The following KLHL32 variants were observed in gnomAD, a reference collection of about 807,000 sequenced individuals.
KLHL32 encodes the protein kelch-like protein 32.
In KLHL32, 35 loss-of-function variants were observed where a neutral mutation model predicts 64.8. That is an observed-to-expected ratio of 0.54 (90% CI 0.41 to 0.72). The LOEUF (loss-of-function observed/expected upper bound fraction) is 0.72, where lower values mean the gene tolerates loss of function less well. KLHL32 is among the 30% of genes least tolerant of loss of function. The probability of loss-of-function intolerance (pLI) is 0.00; values close to 1 mark genes in which losing one functional copy is unlikely to be tolerated. For missense variants in KLHL32, 589 were observed against 768.5 expected (o/e 0.77, Z 2.76); for synonymous variants, 259 against 281.0 (o/e 0.92, Z 0.78).
At chr6:96,962,185 G>A (rs972717304) in intron 1 of KLHL32, among the ~76,000 whole-genome samples, 5 of 152,088 alleles carry the variant, frequency 3.3e-5, no homozygotes, top group African/African-American at 1.2e-4. Flanking sequence ...ATATTTTCAG[G>A]TTTGACTTCA....
intron 1 of KLHL32, among the ~76,000 whole-genome samples, chr6:96,953,491 G>A (rs984778067): frequency 6.6e-6 from 1 of 152,104 alleles, no homozygotes; most frequent in Non-Finnish European, 1.5e-5. Context: ...TTAGCCGGGT[G>A]TGGTGGCACA....
At chr6:97,021,840 A>G (rs774148191) in intron 3 of KLHL32, among the ~76,000 whole-genome samples, 1 of 150,950 alleles carries the variant, frequency 6.6e-6, no homozygotes, top group Non-Finnish European at 1.5e-5. Flanking sequence ...TTCTCCCACA[A>G]AACTGCTTAT....
intron 4 of KLHL32, among the ~76,000 whole-genome samples, chr6:97,049,782 G>C (rs531063472): frequency 6.6e-6 from 1 of 152,232 alleles, no homozygotes; most frequent in East Asian, 1.9e-4. Flanking sequence ...TATTTGCCTT[G>C]GGGTAGATTT....
chr6:96,928,135 A>G (rs1562164037), intron 1 of KLHL32, among the ~76,000 whole-genome samples: 1 of 152,234 alleles, frequency 6.6e-6, no homozygotes, highest in Non-Finnish European at 1.5e-5. Context: ...ATGGAAATAT[A>G]AGATTCCATA....
At chr6:96,991,206 G>T (rs1387686663) in intron 3 of KLHL32, among the ~76,000 whole-genome samples, 2 of 151,918 alleles carry the variant, frequency 1.3e-5, no homozygotes, top group African/African-American at 2.4e-5. Flanking sequence ...GGTGGCAGAG[G>T]GTCTGTTGGT....
At position 97,114,339 on chromosome 6, in the gene KLHL32, C is replaced by T. The variant is rs1486912361; in HGVS notation, c.1184C>T (p.Ala395Val). The T allele has an allele frequency of 3.7e-6, 6 of 1,614,136 alleles. No individual in the cohort carries two copies. The highest frequency in any genetic ancestry group is 5.1e-6 in the Non-Finnish European group (6 of 1,180,030). ...TGCCGGGAGCATTTTGTGCTGGGTG[C>T]CATGGAGGAATACCTCTATGCAGTT... ...KNCREHFVLG[A>V]MEEYLYAVGG... Residue 395 changes from alanine to valine, a missense_variant, in exon 7 of 11, where the codon GCC becomes GTC. Coordinates refer to ENST00000369261, the MANE Select transcript of KLHL32 (RefSeq NM_052904.4).
rs547520299 is a variant in KLHL32 at position 97,057,827 on chromosome 6, T to A, written c.313-6801T>A. Among the ~76,000 whole-genome samples the A allele has an allele frequency of 4.7e-4, 71 of 152,302 alleles. 1 individual carries two copies. Among genetic ancestry groups the A allele is most frequent in the African/African-American group, 1.6e-3 (67 of 41,572 alleles). ...AAAGAGTCATTGTCATACCCAAAGT[T>A]ATCTAGATCTTCTCCTATGTTACCT... is the stretch of plus-strand genomic sequence containing the variant. On this transcript the variant is annotated intron_variant, in intron 4 of 10. Transcript: ENST00000369261.
Position 97,113,811 on chromosome 6 carries a change from GCCACTA to G in KLHL32, c.660_665del (p.His220_Tyr221del). 6.2e-7 allele frequency: 1 copy of G among 1,613,826 alleles called. No homozygotes were observed. The highest frequency in any genetic ancestry group is 8.5e-7 in the Non-Finnish European group (1 of 1,179,770). On this transcript the variant is annotated inframe_deletion, in exon 7 of 11. Coordinates refer to ENST00000369261, the MANE Select transcript of KLHL32 (RefSeq NM_052904.4). ...GCTGTGAGGTGGTTGGAACACAACTGCCACTACCAGTACATGGACGAGCTCCTGCAA... is the reference window on the plus strand; with the variant it reads ...GCTGTGAGGTGGTTGGAACACAACTGCCAGTACATGGACGAGCTCCTGCAA...
In KLHL32 at chr6:97,113,893, G is replaced by T; in HGVS notation, c.738G>T (p.Leu246=). The change falls in exon 7 of 11, where the codon CTG becomes CTT. Residue 246 remains leucine, a synonymous_variant. Transcript: ENST00000369261. ...MDVDTLHTVA[L]SHPLVQASET... ...TGGATACTCTCCATACAGTTGCCCT[G>T]TCCCACCCCCTTGTCCAAGCAAGTG... 4 of 1,614,070 alleles carry T rather than the reference G, an allele frequency of 2.5e-6. No homozygotes were observed. The highest frequency in any genetic ancestry group is 3.4e-6 in the Non-Finnish European group (4 of 1,180,026).
At chr6:97,127,362 T>G in intron 7 of KLHL32, 42 bp from the exon 8 acceptor site, 1 of 1,512,360 alleles carries the variant, frequency 6.6e-7, no homozygotes. Context: ...ATATCCTATT[T>G]TTTATTCATG....
intron 5 of KLHL32, among the ~76,000 whole-genome samples, chr6:97,080,534 C>T (rs572327404): frequency 6.6e-6 from 1 of 152,286 alleles, no homozygotes; most frequent in South Asian, 2.1e-4. Context: ...TTAAAGGGTG[C>T]TTGCAGTGAC....
intron 3 of KLHL32, among the ~76,000 whole-genome samples, chr6:97,018,506 T>C (rs1043683888): frequency 2.0e-5 from 3 of 147,750 alleles, no homozygotes; most frequent in South Asian, 2.1e-4. Flanking sequence ...GGCAGGAGAA[T>C]AGGAGAATCG....
At chr6:97,017,911 A>G (rs993529583) in intron 3 of KLHL32, among the ~76,000 whole-genome samples, 2 of 152,190 alleles carry the variant, frequency 1.3e-5, no homozygotes, top group Admixed American at 6.5e-5. Flanking sequence ...CTGGGCCCCA[A>G]GTGATCATGT....
chr6:97,137,130 C>G (rs1049775563), intron 10 of KLHL32, among the ~76,000 whole-genome samples: 17 of 152,108 alleles, frequency 1.1e-4, no homozygotes, highest in African/African-American at 3.9e-4. Flanking sequence ...AGCCAAAACC[C>G]CACCGGGGTT....
At chr6:96,975,048 C>T (rs1366447310) in intron 2 of KLHL32, among the ~76,000 whole-genome samples, 5 of 152,044 alleles carry the variant, frequency 3.3e-5, no homozygotes, top group South Asian at 2.1e-4. Context: ...TATAGATTCC[C>T]GTTGATATAA....
intron 3 of KLHL32, among the ~76,000 whole-genome samples, chr6:97,021,192 A>G (rs928469344): frequency 6.6e-6 from 1 of 150,708 alleles, no homozygotes; most frequent in Non-Finnish European, 1.5e-5. Context: ...CTTTTACTTT[A>G]GGTTTAGGGG....
intron 7 of KLHL32, among the ~76,000 whole-genome samples, chr6:97,123,192 C>G (rs897619464): frequency 6.6e-6 from 1 of 152,136 alleles, no homozygotes; most frequent in African/African-American, 2.4e-5. Context: ...AGTTTTTCTA[C>G]ACACTCTATT....
At chr6:96,932,057 C>A (rs34031008) in intron 1 of KLHL32, among the ~76,000 whole-genome samples, 19,595 of 151,932 alleles carry the variant, frequency 0.13, 1,537 homozygotes, top group East Asian at 0.26. Flanking sequence ...CTCTGCTTGA[C>A]ATTTTCTGAA....
At chr6:96,938,567 C>G (rs948195275) in intron 1 of KLHL32, among the ~76,000 whole-genome samples, 3 of 152,162 alleles carry the variant, frequency 2.0e-5, no homozygotes, top group African/African-American at 7.2e-5. Context: ...CACTGTTCAC[C>G]AGCCACTGGC....
Sources: gnomAD v4.1 joint callset for allele counts (sites outside exome capture counted in the v4.1 genomes callset) on GRCh38, gnomAD v4.1.1 for gene constraint, MANE v1.5 for transcripts, NCBI Gene and HGNC (gene_info 2026-07-23, HGNC 2026-07-21) for gene names.